The following DNAH11 variants were observed in gnomAD, a reference collection of about 807,000 sequenced individuals.
DNAH11 encodes axonemal beta dynein heavy chain 11.
Under a neutral mutation model 526.0 loss-of-function variants are expected in DNAH11, and 442 were observed. That is an observed-to-expected ratio of 0.84 (90% CI 0.78 to 0.91). The LOEUF is 0.91. DNAH11 is among the 40% of genes least tolerant of loss of function. The pLI, the probability that DNAH11 is intolerant of heterozygous loss-of-function variation, is 0.00. For synonymous variants in DNAH11, 2,461 were observed against 1,935.9 expected, an observed-to-expected ratio of 1.27 and a Z score of -7.12; for missense variants, 6,989 against 5,448.7, an observed-to-expected ratio of 1.28 and a Z score of -8.90.
intron 30 of DNAH11, among the ~76,000 whole-genome samples, chr7:21,667,750 A>G (rs973626264): frequency 6.6e-6 from 1 of 152,190 alleles, no homozygotes; most frequent in African/African-American, 2.4e-5. Context: ...TAATCCCTGT[A>G]AGAGATTTTA....
intron 28 of DNAH11, among the ~76,000 whole-genome samples, chr7:21,651,088 A>G (rs1277958465): frequency 1.3e-5 from 2 of 152,044 alleles, no homozygotes; most frequent in African/African-American, 4.8e-5. Flanking sequence ...GGCTGCCCAT[A>G]TTTTGGTCAT....
At chr7:21,842,789 T>C in intron 66 of DNAH11, 41 bp downstream of exon 66, 2 of 1,519,818 alleles carry the variant, frequency 1.3e-6, no homozygotes, top group Non-Finnish European at 1.8e-6. Flanking sequence ...AGTCGGCATT[T>C]GCTTTGCACA....
chr7:21,628,133 A>G (rs1208091311), intron 25 of DNAH11, among the ~76,000 whole-genome samples: 3 of 151,414 alleles, frequency 2.0e-5, no homozygotes, highest in Non-Finnish European at 1.5e-5. Context: ...TTGTATGTCT[A>G]CTTTGTATTC....
chr7:21,834,324 C>A (rs962598759), intron 65 of DNAH11, among the ~76,000 whole-genome samples: 1 of 151,928 alleles, frequency 6.6e-6, no homozygotes, highest in Non-Finnish European at 1.5e-5. Context: ...AAGCACATAC[C>A]AAAACCTATG....
At chr7:21,766,625 G>T (rs1787197462) in intron 55 of DNAH11, among the ~76,000 whole-genome samples, 1 of 151,896 alleles carries the variant, frequency 6.6e-6, no homozygotes, top group Non-Finnish European at 1.5e-5. Context: ...GCGGCCATAT[G>T]GTTAAAAATC....
intron 65 of DNAH11, among the ~76,000 whole-genome samples, chr7:21,828,053 A>G (rs913552659): frequency 7.9e-5 from 12 of 152,028 alleles, no homozygotes; most frequent in Non-Finnish European, 4.4e-5. Flanking sequence ...AGTTCAAACA[A>G]TTCCCCTGCC....
At chr7:21,710,841 G>A in intron 41 of DNAH11, 138 bp downstream of exon 41, 1 of 882,686 alleles carries the variant, frequency 1.1e-6, no homozygotes, top group Non-Finnish European at 1.6e-6. Context: ...GATAAGTGTT[G>A]CTTTCCTGAT....
rs1463799040 is a variant in DNAH11, at chr7:21,765,539, G to A, written c.9052G>A (p.Ala3018Thr). 14 of 1,592,010 alleles carry A rather than the reference G, an allele frequency of 8.8e-6. No individual in the cohort carries two copies. Residue 3018 changes from alanine to threonine, a missense_variant, in exon 55 of 82, where the codon GCT becomes ACT. Transcript: ENST00000409508. Reference protein sequence around the residue: ...IDWFHAWPQEALVSVSRRFIE... With the variant: ...IDWFHAWPQETLVSVSRRFIE... ...CTGGTTTCATGCGTGGCCGCAGGAG[G>A]CTCTGGTCTCCGTCAGCAGGAGGTT...
At position 21,588,880 on chromosome 7, in the gene DNAH11, C is replaced by T. The variant is rs181739600; in HGVS notation, c.1973+244C>T. On this transcript the variant is annotated intron_variant, in intron 11 of 81. Transcript: ENST00000409508. ...TTTCTTTTTCCTTGTCCTTTCCACC[C>T]ACCATGTTTGGAGTTTCTCGTTATT... is the stretch of plus-strand genomic sequence containing the variant. Among the ~76,000 whole-genome samples, 14 of 152,190 alleles carry T rather than the reference C, an allele frequency of 9.2e-5. No individual in the cohort carries two copies. In the East Asian group the frequency reaches 2.7e-3, roughly 29 times the overall value.
chr7:21,549,737 T>C (rs932464325), intron 2 of DNAH11, among the ~76,000 whole-genome samples: 3 of 152,202 alleles, frequency 2.0e-5, no homozygotes, highest in African/African-American at 7.2e-5. Context: ...ACCCACCCCA[T>C]GTTTACTGTC....
chr7:21,870,395 C>G (rs1434772115), intron 73 of DNAH11, among the ~76,000 whole-genome samples: 2 of 152,186 alleles, frequency 1.3e-5, no homozygotes, highest in East Asian at 3.8e-4. Flanking sequence ...TGATAATACC[C>G]ACTGCTTAGA....
chr7:21,698,342 C>T (rs1783936101), intron 36 of DNAH11, 129 bp downstream of exon 36: 8 of 1,324,316 alleles, frequency 6.0e-6, no homozygotes, highest in Non-Finnish European at 6.2e-6. Flanking sequence ...TAAAAAAATT[C>T]AATAGTTTGG....
At chr7:21,872,349 T>A (rs933649527) in intron 73 of DNAH11, among the ~76,000 whole-genome samples, 2 of 152,120 alleles carry the variant, frequency 1.3e-5, no homozygotes, top group African/African-American at 4.8e-5. Flanking sequence ...TGGGCTTAGA[T>A]CTTTTTGCAA....
At chr7:21,554,633 A>G (rs74807802) in intron 2 of DNAH11, among the ~76,000 whole-genome samples, 1,645 of 152,238 alleles carry the variant, frequency 0.011, 46 homozygotes, top group South Asian at 0.079. Flanking sequence ...CTTGTGATAG[A>G]TATCATTTCA....
intron 74 of DNAH11, among the ~76,000 whole-genome samples, chr7:21,879,253 A>C (rs1783824801): frequency 6.6e-6 from 1 of 151,946 alleles, no homozygotes; most frequent in Non-Finnish European, 1.5e-5. Flanking sequence ...GGAGTTCGAG[A>C]CCACCCTGGC....
At chr7:21,776,228 A>G (rs186382053) in intron 56 of DNAH11, among the ~76,000 whole-genome samples, 6 of 152,284 alleles carry the variant, frequency 3.9e-5, no homozygotes, top group Non-Finnish European at 5.9e-5. Flanking sequence ...AAGACACAAG[A>G]CATCTTGATT....
chr7:21,852,417 A>AAAG, intron 66 of DNAH11, 50 bp from the exon 67 acceptor site: 1 of 1,539,462 alleles, frequency 6.5e-7, no homozygotes, highest in Non-Finnish European at 8.7e-7. Flanking sequence ...AAAAAAAAAA[A>AAAG]AAAAAAGTAC....
intron 63 of DNAH11, among the ~76,000 whole-genome samples, chr7:21,811,296 C>G (rs34406346): frequency 1.1e-4 from 17 of 151,390 alleles, no homozygotes; most frequent in South Asian, 4.2e-4. Context: ...AACCCCCCCC[C>G]CTACTAAAAA....
rs937356623 is a variant in DNAH11, at chr7:21,594,131, G to C, written c.2667+2554G>C. On this transcript the variant is annotated intron_variant, in intron 14 of 81. Transcript: ENST00000409508. ...GCCATCATGAAGTAGCACAGTGTGGGGTAGGGAAAGTGTCCTTGGTAAAGG... is the reference window on the plus strand; with the variant it reads ...GCCATCATGAAGTAGCACAGTGTGGCGTAGGGAAAGTGTCCTTGGTAAAGG... Among the ~76,000 whole-genome samples the C allele has an allele frequency of 2.6e-4, 40 of 151,304 alleles. 1 individual carries two copies. Among genetic ancestry groups the C allele is most frequent in the Non-Finnish European group, 5.4e-4 (37 of 67,892 alleles).
Sources: allele counts gnomAD v4.1 joint callset (sites outside exome capture counted in the v4.1 genomes callset), GRCh38; gene constraint gnomAD v4.1.1; transcripts MANE v1.5; gene names NCBI Gene and HGNC (gene_info 2026-07-23, HGNC 2026-07-21).